Variants in PRKCE observed in about 807,000 individuals in gnomAD.
The protein encoded by PRKCE is protein kinase C epsilon.
In PRKCE, 16 loss-of-function variants were observed where a neutral mutation model predicts 85.4. The ratio of observed to expected loss-of-function variants is 0.19; its 90% CI spans 0.13 to 0.28. The LOEUF is 0.28. PRKCE is among the 10% of genes least tolerant of loss of function. The pLI is 1.00. For missense variants in PRKCE, 573 were observed against 975.2 expected, an observed-to-expected ratio of 0.59 and a Z score of 5.49; for synonymous variants, 388 against 371.5, an observed-to-expected ratio of 1.04 and a Z score of -0.51.
intron 2 of PRKCE, among the ~76,000 whole-genome samples, chr2:45,950,848 G>A: frequency 6.6e-6 from 1 of 152,220 alleles, no homozygotes; most frequent in Non-Finnish European, 1.5e-5. Flanking sequence ...TGTTCCTAGA[G>A]GACCAACTTT....
At chr2:45,763,561 C>A (rs1573252487) in intron 1 of PRKCE, among the ~76,000 whole-genome samples, 1 of 152,030 alleles carries the variant, frequency 6.6e-6, no homozygotes, top group South Asian at 2.1e-4. Flanking sequence ...ATTGATTTTC[C>A]CTCTTCTAGG....
At chr2:46,174,163 G>A (rs1679187569) in intron 14 of PRKCE, among the ~76,000 whole-genome samples, 1 of 152,198 alleles carries the variant, frequency 6.6e-6, no homozygotes, top group Non-Finnish European at 1.5e-5. Flanking sequence ...TGTGGGGAAG[G>A]GGCCTGTGAG....
intron 2 of PRKCE, among the ~76,000 whole-genome samples, chr2:45,961,353 T>C (rs1024217849): frequency 1.3e-5 from 2 of 152,230 alleles, no homozygotes; most frequent in African/African-American, 2.4e-5. Context: ...AAGTATCTAC[T>C]GCTATATAAC....
intron 1 of PRKCE, among the ~76,000 whole-genome samples, chr2:45,761,582 T>C (rs1684505499): frequency 6.6e-6 from 1 of 152,126 alleles, no homozygotes; most frequent in African/African-American, 2.4e-5. Flanking sequence ...TGAGGAAGAT[T>C]CCAATTGGCC....
rs188524685 is a variant in PRKCE at position 46,155,869 on chromosome 2, C to A, written c.1921-3737C>A. ...ACTGCAGGACCTCCTAACGGGCAGC[C>A]CTTCTTGTGTCCTTCTCATCTCTGT... is the stretch of plus-strand genomic sequence containing the variant. On this transcript the variant is annotated intron_variant, in intron 13 of 14. Coordinates refer to ENST00000306156, the MANE Select transcript of PRKCE (RefSeq NM_005400.3). The surrounding 1 kb of genome is among the most constrained non-coding windows in gnomAD (Gnocchi z 4.7). 6.6e-6 allele frequency among the ~76,000 whole-genome samples: 1 copy of A among 152,118 alleles called. No homozygotes were observed.
At chr2:46,098,951 G>A (rs868284244) in intron 11 of PRKCE, among the ~76,000 whole-genome samples, 11 of 151,998 alleles carry the variant, frequency 7.2e-5, no homozygotes, top group African/African-American at 2.4e-4. Context: ...GAGTGGTAGG[G>A]GGTACCATAG....
chr2:45,988,438 G>A (rs918994389), intron 6 of PRKCE, among the ~76,000 whole-genome samples: 37 of 152,146 alleles, frequency 2.4e-4, no homozygotes, highest in African/African-American at 8.7e-4. Flanking sequence ...GCATAATTAT[G>A]TCTGCTTTTA....
chr2:45,674,490 C>G (rs1676327721), intron 1 of PRKCE, among the ~76,000 whole-genome samples: 1 of 152,190 alleles, frequency 6.6e-6, no homozygotes, highest in Admixed American at 6.5e-5. Flanking sequence ...GTGTCAAGGG[C>G]TAGGGATCTT....
At chr2:46,102,420 T>C (rs1671329854) in intron 11 of PRKCE, among the ~76,000 whole-genome samples, 2 of 152,154 alleles carry the variant, frequency 1.3e-5, no homozygotes, top group African/African-American at 4.8e-5. Flanking sequence ...TAGAACAGCT[T>C]TAGATTTACA....
intron 11 of PRKCE, among the ~76,000 whole-genome samples, chr2:46,091,468 G>A (rs1337770906): frequency 6.6e-6 from 1 of 152,186 alleles, no homozygotes; most frequent in African/African-American, 2.4e-5. Flanking sequence ...ACAGTGAGGG[G>A]AGTAGAGGGG....
chr2:45,688,627 T>C (rs1247806828), intron 1 of PRKCE, among the ~76,000 whole-genome samples: 1 of 152,180 alleles, frequency 6.6e-6, no homozygotes, highest in Non-Finnish European at 1.5e-5. Flanking sequence ...ACCAAATGAT[T>C]CTGTTGTTTT....
chr2:45,874,165 C>G (rs542273747), intron 2 of PRKCE, among the ~76,000 whole-genome samples: 3 of 152,300 alleles, frequency 2.0e-5, no homozygotes, highest in African/African-American at 7.2e-5. Flanking sequence ...CTTATGAATC[C>G]AGACTTACCC....
chr2:46,158,171 A>G (rs1308028992), intron 13 of PRKCE, among the ~76,000 whole-genome samples: 3 of 152,238 alleles, frequency 2.0e-5, no homozygotes, highest in East Asian at 1.9e-4. Context: ...GACAAATCAT[A>G]ATTTAAATAA....
chr2:46,127,738 T>A (rs181713896), intron 11 of PRKCE, among the ~76,000 whole-genome samples: 1 of 152,332 alleles, frequency 6.6e-6, no homozygotes, highest in East Asian at 1.9e-4. Flanking sequence ...GGGAGTTTGG[T>A]CAGAGTTCTC....
chr2:46,023,471 C>T (rs1706852977), intron 10 of PRKCE, among the ~76,000 whole-genome samples: 1 of 152,216 alleles, frequency 6.6e-6, no homozygotes, highest in Non-Finnish European at 1.5e-5. Context: ...TTTGTGGTAG[C>T]ACTTTTGTTT....
At chr2:45,721,900 A>G (rs1680654844) in intron 1 of PRKCE, among the ~76,000 whole-genome samples, 2 of 151,758 alleles carry the variant, frequency 1.3e-5, no homozygotes, top group South Asian at 2.1e-4. Flanking sequence ...AAAAAGAAAC[A>G]TAAATGGGAT....
rs1264419775 is a variant in PRKCE at position 46,001,616 on chromosome 2, G to A, written c.966+70G>A. 2 of 1,486,904 alleles carry A rather than the reference G, an allele frequency of 1.3e-6. No individual in the cohort carries two copies. The highest frequency in any genetic ancestry group is 4.8e-5 in the East Asian group (2 of 41,626). 92.1% of individuals were successfully genotyped at this position (1,486,904 alleles called of 1,614,324 possible). A position where few individuals can be genotyped will look rare whatever the true frequency, so the allele number is the denominator to read the frequency against. On this transcript the variant is annotated intron_variant, in intron 7 of 14. Transcript: ENST00000306156. The surrounding 1 kb of genome is among the most constrained non-coding windows in gnomAD (Gnocchi z 4.4). ...GCATTTCTGTGCTGACTTCCAGAGG[G>A]TGCTCTGGAGTGAGGTAATAAGATT...
chr2:45,840,930 C>T (rs1343898256), intron 1 of PRKCE, among the ~76,000 whole-genome samples: 2 of 152,160 alleles, frequency 1.3e-5, no homozygotes, highest in Non-Finnish European at 2.9e-5. Flanking sequence ...AGATGACATG[C>T]CTGCCTTCCT....
At chr2:45,784,991 CCTT>C (rs1227726130) in intron 1 of PRKCE, among the ~76,000 whole-genome samples, 1 of 152,154 alleles carries the variant, frequency 6.6e-6, no homozygotes, top group Non-Finnish European at 1.5e-5. Flanking sequence ...TTCTTTCAGT[CCTT>C]CTCATCAAAT....
Sources: allele counts gnomAD v4.1 joint callset (sites outside exome capture counted in the v4.1 genomes callset), GRCh38; gene constraint gnomAD v4.1.1; non-coding constraint Gnocchi (gnomAD v3.1); transcripts MANE v1.5; gene names NCBI Gene and HGNC (gene_info 2026-07-23, HGNC 2026-07-21).